Variants in LRIG1 observed in about 807,000 individuals in gnomAD.
LRIG1 encodes leucine rich repeats and immunoglobulin like domains 1.
Under a neutral mutation model 99.2 loss-of-function variants are expected in LRIG1, and 48 were observed. The observed-to-expected ratio is 0.48, with a 90% confidence interval of 0.38 to 0.62. The LOEUF (loss-of-function observed/expected upper bound fraction) is 0.62, where lower values mean the gene tolerates loss of function less well. LRIG1 is among the 20% of genes least tolerant of loss of function. LRIG1 has a pLI of 0.00. For synonymous variants in LRIG1, 772 were observed against 596.1 expected, an observed-to-expected ratio of 1.29 and a Z score of -4.30; for missense variants, 1,646 against 1,434.4, an observed-to-expected ratio of 1.15 and a Z score of -2.38.
At chr3:66,448,684 C>G (rs774116158) in intron 3 of LRIG1, among the ~76,000 whole-genome samples, 9 of 152,194 alleles carry the variant, frequency 5.9e-5, no homozygotes, top group Non-Finnish European at 1.2e-4. Context: ...AAACTTGTCC[C>G]AAGAAAGTTG....
chr3:66,452,941 C>A (rs1703954248), intron 2 of LRIG1, among the ~76,000 whole-genome samples: 1 of 152,140 alleles, frequency 6.6e-6, no homozygotes, highest in Non-Finnish European at 1.5e-5. Context: ...ACTTAAAGGG[C>A]CCTTGTTTGT....
In LRIG1 at chr3:66,384,096, C is replaced by T. The variant is rs754490030; in HGVS notation, c.1966G>A (p.Val656Met). ...ATTTTCACATCAGTGATGAAAAACA[C>T]GTCGTCATCCGGCATGACATGCATG... Reference protein sequence around the residue: ...RRMHVMPDDDVFFITDVKIDD... With the variant: ...RRMHVMPDDDMFFITDVKIDD... The change falls in exon 14 of 19, where the codon GTG (valine) becomes ATG (methionine). Residue 656 changes from valine to methionine, a missense_variant. Val to Met is a conservative substitution (Grantham distance 21). Coordinates refer to ENST00000273261, the MANE Select transcript of LRIG1 (RefSeq NM_015541.3). 25 of 1,614,046 alleles carry T rather than the reference C, an allele frequency of 1.5e-5. No homozygotes were observed. The highest frequency in any genetic ancestry group is 6.7e-5 in the East Asian group (3 of 44,884).
intron 1 of LRIG1, among the ~76,000 whole-genome samples, chr3:66,490,989 TA>T (rs1337712324): frequency 6.6e-6 from 1 of 152,320 alleles, no homozygotes; most frequent in East Asian, 1.9e-4. Flanking sequence ...GAGGAGAAAT[TA>T]AACTATGGAC....
At chr3:66,419,478 G>A (rs1402837392) in intron 3 of LRIG1, among the ~76,000 whole-genome samples, 1 of 152,152 alleles carries the variant, frequency 6.6e-6, no homozygotes, top group Non-Finnish European at 1.5e-5. Context: ...GGGCCACAGT[G>A]GCAGGGTCTG....
intron 1 of LRIG1, among the ~76,000 whole-genome samples, chr3:66,477,188 GGTT>G (rs1700742559): frequency 6.6e-6 from 1 of 152,228 alleles, no homozygotes; most frequent in African/African-American, 2.4e-5. Context: ...AAAATTTAAA[GGTT>G]GTTTGCACAA....
intron 9 of LRIG1, chr3:66,401,577 C>T: frequency 7.1e-7 from 1 of 1,414,268 alleles, no homozygotes; most frequent in Non-Finnish European, 9.4e-7. Flanking sequence ...AGGGGCTAAT[C>T]ATCTTGTTGG....
intron 1 of LRIG1, among the ~76,000 whole-genome samples, chr3:66,484,762 G>A (rs1276064423): frequency 6.6e-6 from 1 of 152,144 alleles, no homozygotes; most frequent in Non-Finnish European, 1.5e-5. Context: ...ACAGCTGGGG[G>A]CAAGGGGTTG....
At chr3:66,482,668 A>T (rs1700877649) in intron 1 of LRIG1, among the ~76,000 whole-genome samples, 1 of 152,214 alleles carries the variant, frequency 6.6e-6, no homozygotes, top group Non-Finnish European at 1.5e-5. Context: ...TAAGGAAATA[A>T]ATGGCTAAAC....
intron 1 of LRIG1, among the ~76,000 whole-genome samples, chr3:66,468,395 G>A (rs1230805252): frequency 6.6e-6 from 1 of 152,194 alleles, no homozygotes; most frequent in African/African-American, 2.4e-5. Context: ...ATTCAAAGTG[G>A]AAGGAATTGG....
At position 66,383,127 on chromosome 3, in the gene LRIG1, G is replaced by A. The variant is rs112700187; in HGVS notation, c.2346C>T (p.Pro782=). ...ERAHSQLSVL[P]AAGCRKDGTT... is the part of the protein sequence containing the mutation. Reference sequence around the variant, plus strand: ...TCCCATCCTTCCTGCAGCCTGCTGCGGGCAGGACGCTCAGCTGGCTGTGAG... The same window carrying A: ...TCCCATCCTTCCTGCAGCCTGCTGCAGGCAGGACGCTCAGCTGGCTGTGAG... Residue 782 remains proline (P), a synonymous_variant, in exon 15 of 19, where the codon CCC becomes CCT. Transcript: ENST00000273261. 1,045 of 1,614,232 alleles carry A rather than the reference G, an allele frequency of 6.5e-4. 9 individuals are homozygous for A. Among genetic ancestry groups the A allele is most frequent in the South Asian group, 5.8e-3 (525 of 91,082 alleles).
intron 2 of LRIG1, among the ~76,000 whole-genome samples, chr3:66,458,742 C>T (rs538995635): frequency 5.3e-4 from 81 of 151,860 alleles, no homozygotes; most frequent in African/African-American, 1.8e-3. Flanking sequence ...TCAGGCCAGG[C>T]GTGGTGGCTC....
intron 3 of LRIG1, among the ~76,000 whole-genome samples, chr3:66,418,986 G>A (rs1176997929): frequency 6.6e-6 from 1 of 152,026 alleles, no homozygotes; most frequent in Non-Finnish European, 1.5e-5. Flanking sequence ...AGTCTCCTCA[G>A]TTTTCTGGCT....
rs1020008496 is a variant in LRIG1 at position 66,404,387 on chromosome 3, G to A, written c.1160+811C>T. On this transcript the variant is annotated intron_variant, in intron 9 of 18. Transcript: ENST00000273261. ...CTTGCCCTCCTCCAGTCTTCCCTCC[G>A]AGCTGCTAGTAAACAGTAATAATGA... The A allele has an allele frequency of 3.7e-5, 47 of 1,261,216 alleles. No homozygotes were observed. In the East Asian group the frequency reaches 4.5e-4, roughly 12 times the overall value. The allele number at this position is 1,261,216 out of a possible 1,614,324, so 78.1% of individuals were successfully genotyped here. A position where few individuals can be genotyped will look rare whatever the true frequency, so the allele number is the denominator to read the frequency against.
At chr3:66,429,715 C>T (rs1703093355) in intron 3 of LRIG1, among the ~76,000 whole-genome samples, 1 of 151,270 alleles carries the variant, frequency 6.6e-6, no homozygotes, top group Non-Finnish European at 1.5e-5. Flanking sequence ...AATAATGGAT[C>T]GATATTGACT....
chr3:66,436,546 T>C (rs534485207), intron 3 of LRIG1, among the ~76,000 whole-genome samples: 1 of 152,338 alleles, frequency 6.6e-6, no homozygotes, highest in Non-Finnish European at 1.5e-5. Flanking sequence ...ACTCACTATC[T>C]GTGGGAAACA....
intron 2 of LRIG1, among the ~76,000 whole-genome samples, chr3:66,459,433 G>A (rs924207605): frequency 1.3e-5 from 2 of 152,186 alleles, no homozygotes; most frequent in African/African-American, 2.4e-5. Flanking sequence ...CCCCTCCATC[G>A]TGCATGCCAG....
intron 3 of LRIG1, among the ~76,000 whole-genome samples, chr3:66,444,227 A>T (rs899390126): frequency 1.3e-5 from 2 of 152,212 alleles, no homozygotes; most frequent in African/African-American, 4.8e-5. Flanking sequence ...CCACCTCTAC[A>T]GCAGCCGGTG....
chr3:66,389,631 A>G (rs1330966937), intron 12 of LRIG1, among the ~76,000 whole-genome samples: 1 of 152,208 alleles, frequency 6.6e-6, no homozygotes, highest in Non-Finnish European at 1.5e-5. Flanking sequence ...ACACGTAAAA[A>G]TGATAAATAC....
intron 3 of LRIG1, among the ~76,000 whole-genome samples, chr3:66,442,101 A>T (rs991243763): frequency 2.6e-5 from 4 of 152,174 alleles, no homozygotes; most frequent in Admixed American, 1.3e-4. Context: ...TGAACAAAAC[A>T]CAAACAGTGA....
Sources: gnomAD v4.1 joint callset for allele counts (sites outside exome capture counted in the v4.1 genomes callset) on GRCh38, gnomAD v4.1.1 for gene constraint, MANE v1.5 for transcripts, NCBI Gene and HGNC (gene_info 2026-07-23, HGNC 2026-07-21) for gene names.